INTS7: variants seen among roughly 807,000 people sequenced by gnomAD.
INTS7 encodes chromosome 1 open reading frame 73.
Under a neutral mutation model 109.2 loss-of-function variants are expected in INTS7, and 46 were observed. The ratio of observed to expected loss-of-function variants is 0.42; its 90% CI spans 0.33 to 0.54. The LOEUF is 0.54. Ranked by LOEUF, INTS7 falls within the 20% of genes least tolerant of loss-of-function variation. INTS7 has a pLI of 0.07. For synonymous variants in INTS7, 412 were observed against 402.9 expected, an observed-to-expected ratio of 1.02 and a Z score of -0.27; for missense variants, 929 against 1,132.4, an observed-to-expected ratio of 0.82 and a Z score of 2.58.
intron 7 of INTS7, among the ~76,000 whole-genome samples, chr1:211,999,190 T>A (rs1571890562): frequency 6.6e-6 from 1 of 152,232 alleles, no homozygotes; most frequent in East Asian, 1.9e-4. Context: ...GCTTTATTCA[T>A]AATGGCCAAA....
chr1:212,035,161 C>T (rs112150189), intron 1 of INTS7, among the ~76,000 whole-genome samples, 183 bp downstream of exon 1: 21 of 152,338 alleles, frequency 1.4e-4, no homozygotes, highest in African/African-American at 5.1e-4. Context: ...GTCACACAAT[C>T]CTGCAAATTT....
intron 11 of INTS7, 102 bp downstream of exon 11, chr1:211,978,170 T>C (rs1664499283): frequency 1.5e-6 from 2 of 1,338,630 alleles, no homozygotes; most frequent in South Asian, 2.6e-5. Context: ...CTATTGTTTG[T>C]TCTGTTTTTT....
chr1:212,027,499 T>G (rs906376471), intron 1 of INTS7, among the ~76,000 whole-genome samples: 1 of 152,146 alleles, frequency 6.6e-6, no homozygotes, highest in African/African-American at 2.4e-5. Flanking sequence ...AAAACAGATC[T>G]CTCTTCCTTT....
intron 4 of INTS7, among the ~76,000 whole-genome samples, chr1:212,012,968 T>A (rs904953122): frequency 6.6e-6 from 1 of 152,232 alleles, no homozygotes; most frequent in Non-Finnish European, 1.5e-5. Flanking sequence ...TGACAGACTA[T>A]GAAGCACTGA....
chr1:211,978,701 A>G (rs1013650155), intron 10 of INTS7, among the ~76,000 whole-genome samples, 190 bp from the exon 11 acceptor site: 6 of 150,924 alleles, frequency 4.0e-5, no homozygotes, highest in Non-Finnish European at 8.9e-5. Flanking sequence ...TACGTTTAAA[A>G]TAACAAATTA....
chr1:211,992,079 AATTTAT>A (rs1665172262), intron 7 of INTS7, among the ~76,000 whole-genome samples: 1 of 152,162 alleles, frequency 6.6e-6, no homozygotes, highest in South Asian at 2.1e-4. Flanking sequence ...TTAATACTAT[AATTTAT>A]ATTTATTTAT....
chr1:211,957,980 C>T (rs1023914049), intron 16 of INTS7, among the ~76,000 whole-genome samples: 15 of 151,644 alleles, frequency 9.9e-5, no homozygotes, highest in South Asian at 4.2e-4. Flanking sequence ...TATATCCCCC[C>T]GTTGTCTTAT....
chr1:211,998,382 A>G (rs940508615), intron 7 of INTS7, among the ~76,000 whole-genome samples: 4 of 152,252 alleles, frequency 2.6e-5, no homozygotes, highest in Middle Eastern at 3.2e-3. Context: ...AGACCAATAG[A>G]ACAGAATAGA....
chr1:211,997,400 G>C (rs78787331), intron 7 of INTS7, among the ~76,000 whole-genome samples: 5,547 of 151,788 alleles, frequency 0.037, 146 homozygotes, highest in Non-Finnish European at 0.059. Context: ...GACAGGCATG[G>C]TGGCGTGTAC....
At position 212,016,910 on chromosome 1, in the gene INTS7, G is replaced by C. The variant is rs760411605; in HGVS notation, c.485C>G (p.Ala162Gly). The C allele has an allele frequency of 6.2e-7, 1 of 1,607,238 alleles. No individual in the cohort carries two copies. The highest frequency in any genetic ancestry group is 1.1e-5 in the South Asian group (1 of 89,458). Residue 162 changes from alanine to glycine, a missense_variant, in exon 4 of 20, where the codon GCT (alanine) becomes GGT (glycine). Coordinates refer to ENST00000366994, the MANE Select transcript of INTS7 (RefSeq NM_015434.4). Reference protein sequence around the residue: ...NVEVEAAVFAAANFSAQSKDF... With the variant: ...NVEVEAAVFAGANFSAQSKDF... ...CTTTGACTGTGCAGAGAAGTTTGCA[G>C]CAGCAAAAACAGCAGCTTCAACTTC... is the stretch of plus-strand genomic sequence containing the variant.
chr1:211,995,629 T>A (rs920777717), intron 7 of INTS7, among the ~76,000 whole-genome samples: 15 of 152,234 alleles, frequency 9.9e-5, no homozygotes, highest in African/African-American at 3.6e-4. Context: ...TATTTTTTAA[T>A]TGAAATGGTT....
chr1:211,963,141 A>T (rs1663718368), intron 16 of INTS7, among the ~76,000 whole-genome samples: 1 of 152,210 alleles, frequency 6.6e-6, no homozygotes, highest in African/African-American at 2.4e-5. Flanking sequence ...ATAAAGAGAG[A>T]AGATCCAAGT....
Position 211,981,086 on chromosome 1 carries a change from T to A in INTS7, c.1230+7A>T. ...TCTATTACAACTTAATAAATAAAAG[T>A]TTTCACCTTTAAAGTGGCCTGAGCA... On this transcript the variant is annotated splice_region_variant and intron_variant, in intron 10 of 19. Transcript: ENST00000366994. The A allele has an allele frequency of 6.3e-7, 1 of 1,584,800 alleles. No individual in the cohort carries two copies. The highest frequency in any genetic ancestry group is 8.7e-7 in the Non-Finnish European group (1 of 1,155,694).
At position 211,987,982 on chromosome 1, in the gene INTS7, G is replaced by A. The variant is rs566138698; in HGVS notation, c.901C>T (p.Gln301Ter). 1 of 1,605,102 alleles carries A rather than the reference G, an allele frequency of 6.2e-7. No individual in the cohort carries two copies. Among genetic ancestry groups the A allele is most frequent in the South Asian group, 1.1e-5 (1 of 90,574 alleles). Reference sequence around the variant, plus strand: ...AGTTTTAAGCTGTCATAAGGAGTCTGGAGGGCACACTCACAAAGTGCCTGG... The same window carrying A: ...AGTTTTAAGCTGTCATAAGGAGTCTAGAGGGCACACTCACAAAGTGCCTGG... ...NIQALCECAL[Q>*]TPYDSLKLGM... Residue 301 changes from glutamine to a stop codon, truncating the protein, a stop_gained, in exon 8 of 20, where the codon CAG becomes TAG. Transcript: ENST00000366994. LOFTEE classifies it high-confidence loss of function.
intron 16 of INTS7, among the ~76,000 whole-genome samples, chr1:211,960,696 G>A (rs1372527122): frequency 6.6e-6 from 1 of 152,216 alleles, no homozygotes; most frequent in Admixed American, 6.5e-5. Context: ...AGACCAAGCT[G>A]TGGAAAGAAT....
At chr1:211,998,006 T>C (rs1665487711) in intron 7 of INTS7, among the ~76,000 whole-genome samples, 1 of 152,198 alleles carries the variant, frequency 6.6e-6, no homozygotes, top group Non-Finnish European at 1.5e-5. Context: ...ATTCTAAATT[T>C]TACATGGAAA....
At chr1:211,991,737 A>G (rs879369757) in intron 7 of INTS7, among the ~76,000 whole-genome samples, 3 of 152,256 alleles carry the variant, frequency 2.0e-5, no homozygotes, top group Non-Finnish European at 4.4e-5. Context: ...GAGGCCCTGC[A>G]AACTGGCATT....
Position 211,944,737 on chromosome 1 carries a change from A to T in INTS7, c.2601+47T>A, listed in dbSNP as rs1441282767. On this transcript the variant is annotated intron_variant, in intron 19 of 19. Coordinates refer to ENST00000366994, the MANE Select transcript of INTS7 (RefSeq NM_015434.4). ...AAACACTGGAAAACTTCCATCAATG[A>T]GCTCATATAAAACCTGTATCACAAT... 3 of 1,457,010 alleles carry T rather than the reference A, an allele frequency of 2.1e-6. No homozygotes were observed. The Admixed American group carries it at 5.1e-5, about 25-fold the overall frequency. The allele number at this position is 1,457,010 out of a possible 1,614,324, so 90.3% of individuals were successfully genotyped here. A position where few individuals can be genotyped will look rare whatever the true frequency, so the allele number is the denominator to read the frequency against.
intron 7 of INTS7, among the ~76,000 whole-genome samples, chr1:211,990,963 A>G (rs1665120164): frequency 6.6e-6 from 1 of 152,234 alleles, no homozygotes; most frequent in East Asian, 1.9e-4. Flanking sequence ...ACTGAGAGTT[A>G]AGGATGCCAA....
Sources: gnomAD v4.1 joint callset for allele counts (sites outside exome capture counted in the v4.1 genomes callset) on GRCh38, gnomAD v4.1.1 for gene constraint, MANE v1.5 for transcripts, NCBI Gene and HGNC (gene_info 2026-07-23, HGNC 2026-07-21) for gene names.